The following BBS4 variants were observed in gnomAD, a reference collection of about 807,000 sequenced individuals.
BBS4 encodes the protein BBSome complex member BBS4.
A neutral mutation model predicts 71.4 loss-of-function variants in BBS4; 58 were observed. The ratio of observed to expected loss-of-function variants is 0.81; its 90% CI spans 0.66 to 1.01. The LOEUF is 1.01. Among genes scored for constraint, BBS4 ranks in the 50% least tolerant of loss-of-function variants. The pLI, the probability that BBS4 is intolerant of heterozygous loss-of-function variation, is 0.00. For missense variants in BBS4, 660 were observed against 607.9 expected, an observed-to-expected ratio of 1.09 and a Z score of -0.90; for synonymous variants, 228 against 216.8, an observed-to-expected ratio of 1.05 and a Z score of -0.46.
chr15:72,710,693 G>A lies in BBS4; in HGVS notation c.156+914G>A, dbSNP rs536850936. On this transcript the variant is annotated intron_variant, in intron 3 of 15. Coordinates refer to ENST00000268057, the MANE Select transcript of BBS4 (RefSeq NM_033028.5). ...CATCTTTTTTGGTATCCAGAGCTTT[G>A]TGACCCATCTAAGGTTTTTAATTTA... Among the ~76,000 whole-genome samples, 13 of 152,154 alleles carry A rather than the reference G, an allele frequency of 8.5e-5. No homozygotes were observed. The South Asian group carries it at 2.7e-3, about 32-fold the overall frequency.
chr15:72,708,770 T>A (rs749421026), intron 2 of BBS4, among the ~76,000 whole-genome samples: 42 of 152,278 alleles, frequency 2.8e-4, no homozygotes, highest in Non-Finnish European at 5.3e-4. Flanking sequence ...AGGAGGTCTA[T>A]AGGGCATGTC....
At chr15:72,708,308 G>A (rs1026100341) in intron 2 of BBS4, among the ~76,000 whole-genome samples, 7 of 152,126 alleles carry the variant, frequency 4.6e-5, no homozygotes, top group African/African-American at 9.7e-5. Flanking sequence ...TCTGTTGCGG[G>A]AAGTCAGGGG....
At chr15:72,718,621 A>C (rs1313746625) in intron 6 of BBS4, among the ~76,000 whole-genome samples, 2 of 152,244 alleles carry the variant, frequency 1.3e-5, no homozygotes, top group Non-Finnish European at 2.9e-5. Context: ...TATAGCTAAC[A>C]GCCAGAGTGA....
intron 2 of BBS4, among the ~76,000 whole-genome samples, chr15:72,695,613 T>C (rs1268849567): frequency 6.6e-6 from 1 of 152,228 alleles, no homozygotes; most frequent in Non-Finnish European, 1.5e-5. Flanking sequence ...TTGATTCTTT[T>C]ATCTATTCTA....
intron 12 of BBS4, among the ~76,000 whole-genome samples, chr15:72,732,169 AT>A (rs879359443): frequency 6.6e-6 from 1 of 152,096 alleles, no homozygotes; most frequent in Non-Finnish European, 1.5e-5. Context: ...TGAAATACTG[AT>A]TTTTGAAAAC....
At chr15:72,703,011 T>A (rs28494963) in intron 2 of BBS4, among the ~76,000 whole-genome samples, 6 of 2,282 alleles carry the variant, frequency 2.6e-3, no homozygotes, top group Non-Finnish European at 7.4e-3. Context: ...GGGTTTCACC[T>A]TTTTTTAGCC....
chr15:72,730,618 C>A (rs1429004168), intron 10 of BBS4, among the ~76,000 whole-genome samples: 1 of 152,092 alleles, frequency 6.6e-6, no homozygotes, highest in Non-Finnish European at 1.5e-5. Flanking sequence ...GTTGAAATGA[C>A]TTCTAGAGTC....
chr15:72,694,879 G>A (rs2065047496), intron 1 of BBS4, among the ~76,000 whole-genome samples: 1 of 152,146 alleles, frequency 6.6e-6, no homozygotes, highest in Non-Finnish European at 1.5e-5. Context: ...CATATGAGGT[G>A]TTTAAGAACT....
intron 1 of BBS4, among the ~76,000 whole-genome samples, chr15:72,692,832 G>A (rs1053480379): frequency 3.4e-5 from 5 of 148,376 alleles, no homozygotes; most frequent in Non-Finnish European, 7.5e-5. Context: ...TTCTAGGCTC[G>A]TGTGATCCTC....
chr15:72,733,857 C>T (rs2065872835), intron 12 of BBS4, among the ~76,000 whole-genome samples: 1 of 152,142 alleles, frequency 6.6e-6, no homozygotes, highest in African/African-American at 2.4e-5. Context: ...AGATTGCTTT[C>T]CACAATGGTT....
At chr15:72,730,574 A>AGCGT (rs1567428595) in intron 10 of BBS4, among the ~76,000 whole-genome samples, 1 of 151,960 alleles carries the variant, frequency 6.6e-6, no homozygotes, top group Non-Finnish European at 1.5e-5. Flanking sequence ...CCTGGGTGAC[A>AGCGT]GAGACCCTGT....
intron 1 of BBS4, among the ~76,000 whole-genome samples, chr15:72,689,111 G>T (rs887620041): frequency 2.0e-5 from 3 of 152,082 alleles, no homozygotes; most frequent in African/African-American, 7.2e-5. Flanking sequence ...TAGATGTGAA[G>T]TGGGGTATAT....
chr15:72,724,660 G>A lies in BBS4; in HGVS notation c.587+5G>A. ...AGTCTACAAGAAAGCAGTGGAGTAA[G>A]TGTATCTGTTTCCTTTAAAACAGTG... On this transcript the variant is annotated splice_donor_5th_base_variant and intron_variant, in intron 8 of 15. Transcript: ENST00000268057. 6.2e-7 allele frequency: 1 copy of A among 1,613,880 alleles called. No homozygotes were observed. The highest frequency in any genetic ancestry group is 8.5e-7 in the Non-Finnish European group (1 of 1,179,830).
rs774619624 is a variant in BBS4 at position 72,731,689 on chromosome 15, C to G, written c.999C>G (p.Phe333Leu). 1.2e-6 allele frequency: 2 copies of G among 1,614,186 alleles called. No individual in the cohort carries two copies. The highest frequency in any genetic ancestry group is 4.5e-5 in the East Asian group (2 of 44,886). The part of the protein sequence containing the change: ...AFHFLSAAIN[F>L]QPKMGELYML... ...ATTTTCTCAGTGCGGCCATCAACTT[C>G]CAGCCAAAGATGGGGGAGCTCTACA... Residue 333 changes from phenylalanine to leucine, a missense_variant, in exon 12 of 16, where the codon TTC (phenylalanine) becomes TTG (leucine). Transcript: ENST00000268057.
chr15:72,701,728 GTA>G (rs1338328997), intron 2 of BBS4, among the ~76,000 whole-genome samples: 2 of 151,974 alleles, frequency 1.3e-5, no homozygotes, highest in Non-Finnish European at 2.9e-5. Flanking sequence ...TTTACTGTAA[GTA>G]TGTATTTTTA....
intron 2 of BBS4, among the ~76,000 whole-genome samples, chr15:72,696,448 A>G (rs1006130422): frequency 1.3e-5 from 2 of 152,218 alleles, no homozygotes; most frequent in South Asian, 4.1e-4. Flanking sequence ...TAGTAGCACC[A>G]TAATCAAGTT....
intron 2 of BBS4, among the ~76,000 whole-genome samples, chr15:72,701,666 A>G (rs908993882): frequency 6.6e-6 from 1 of 152,154 alleles, no homozygotes; most frequent in Admixed American, 6.5e-5. Context: ...GGTAAGGGAT[A>G]GGAATGGAAT....
At chr15:72,724,455 A>G in intron 7 of BBS4, 73 bp from the exon 8 acceptor site, 1 of 1,600,732 alleles carries the variant, frequency 6.2e-7, no homozygotes, top group Non-Finnish European at 8.5e-7. Flanking sequence ...AAGTGTCTTT[A>G]CATTAGCCAT....
chr15:72,737,030 T>C, intron 15 of BBS4, 67 bp downstream of exon 15: 1 of 1,551,460 alleles, frequency 6.4e-7, no homozygotes, highest in Non-Finnish European at 8.9e-7. Flanking sequence ...CAGCAGAGAT[T>C]ATAGCTTTCA....
Sources: allele counts gnomAD v4.1 joint callset (sites outside exome capture counted in the v4.1 genomes callset), GRCh38; gene constraint gnomAD v4.1.1; transcripts MANE v1.5; gene names NCBI Gene and HGNC (gene_info 2026-07-23, HGNC 2026-07-21).